ZNF454: variants seen among roughly 807,000 people sequenced by gnomAD.
ZNF454 encodes zinc finger protein 454.
Under a neutral mutation model 48.2 loss-of-function variants are expected in ZNF454, and 30 were observed. The observed-to-expected ratio is 0.62, with a 90% CI of 0.47 to 0.84. ZNF454 has a LOEUF of 0.84. ZNF454 is among the 40% of genes least tolerant of loss of function. The probability of loss-of-function intolerance (pLI) is 0.00; values close to 1 mark genes in which losing one functional copy is unlikely to be tolerated. For synonymous variants in ZNF454, 204 were observed against 211.4 expected (o/e 0.97, Z 0.30); for missense variants, 510 against 623.1 (o/e 0.82, Z 1.93).
In ZNF454 at chr5:178,944,788, G is replaced by A. The variant is rs1759245204; in HGVS notation, c.34-1571G>A. 6.6e-6 allele frequency among the ~76,000 whole-genome samples: 1 copy of A among 152,178 alleles called. No homozygotes were observed. Among genetic ancestry groups the A allele is most frequent in the Admixed American group, 6.5e-5 (1 of 15,276 alleles). ...ACCTCTTTTTTCTCAGTGAACACCAGCTCCCTTAACTTCTCAGCCAACTGG... is the reference window on the plus strand; with the variant it reads ...ACCTCTTTTTTCTCAGTGAACACCAACTCCCTTAACTTCTCAGCCAACTGG... On this transcript the variant is annotated intron_variant, in intron 2 of 4. Coordinates refer to ENST00000519564, the MANE Select transcript of ZNF454 (RefSeq NM_001178089.3). This position sits in a 1 kb window ranked among gnomAD's most constrained non-coding sequence, Gnocchi z 4.1.
the ZNF454 span, among the ~76,000 whole-genome samples, chr5:178,973,014 G>A: frequency 1.4e-5 from 2 of 147,854 alleles, no homozygotes; most frequent in African/African-American, 5.0e-5. Context: ...AAAAAACCCA[G>A]AGGCCTTTCT....
chr5:178,989,232 C>A, the ZNF454 span: 1 of 1,374,074 alleles, frequency 7.3e-7, no homozygotes, highest in Admixed American at 1.7e-5. Context: ...CCTCCCCACC[C>A]TCCCCACCCT....
chr5:178,988,341 GGTGA>G, the ZNF454 span, among the ~76,000 whole-genome samples: 13 of 152,334 alleles, frequency 8.5e-5, no homozygotes, highest in Admixed American at 6.5e-4. This position sits in a 1 kb window ranked among gnomAD's most constrained non-coding sequence, Gnocchi z 6.0. Flanking sequence ...GAGAGAAGGT[GGTGA>G]GTGAGTGTTC....
At chr5:178,974,586 G>A in the ZNF454 span, among the ~76,000 whole-genome samples, 5 of 152,134 alleles carry the variant, frequency 3.3e-5, no homozygotes, top group East Asian at 1.9e-4. Context: ...TGAAAGTACC[G>A]GGATTAGAGG....
the ZNF454 span, chr5:178,988,967 AG>A: frequency 6.2e-7 from 1 of 1,613,820 alleles, no homozygotes; most frequent in Non-Finnish European, 8.5e-7. This position sits in a 1 kb window ranked among gnomAD's most constrained non-coding sequence, Gnocchi z 6.0. Flanking sequence ...GTACTGCAGA[AG>A]CATCCGCCCA....
At chr5:178,986,583 G>T in the ZNF454 span, 1 of 1,606,582 alleles carries the variant, frequency 6.2e-7, no homozygotes. Context: ...CCCCAGGACA[G>T]GCCTCGCATG....
At position 178,964,658 on chromosome 5, in the gene ZNF454, G is replaced by A. The variant is rs1419949423; in HGVS notation, c.254G>A (p.Trp85Ter). The change falls in exon 5 of 5, where the codon TGG becomes TAG. Residue 85 changes from tryptophan to a stop codon, truncating the protein, a stop_gained. Coordinates refer to ENST00000519564, the MANE Select transcript of ZNF454 (RefSeq NM_001178089.3). LOFTEE classifies it high-confidence loss of function. The stretch of plus-strand genomic sequence containing the variant: ...TTTTATTTTTAATGTCTTTCAGACT[G>A]GATGACTATGCCTGCCAGTAAGAAA... ...EDTPGGFCLD[W>*]MTMPASKKST... is the part of the protein sequence containing the mutation. 6 of 1,611,386 alleles carry A rather than the reference G, an allele frequency of 3.7e-6. No individual in the cohort carries two copies. The highest frequency in any genetic ancestry group is 1.7e-6 in the Non-Finnish European group (2 of 1,177,692).
chr5:178,986,060 C>A, the ZNF454 span: 1 of 1,426,570 alleles, frequency 7.0e-7, no homozygotes, highest in Admixed American at 2.0e-5. Context: ...CTGTGCCTGG[C>A]CCTTTTGGCT....
At chr5:178,959,351 T>G (rs1321068997) in intron 4 of ZNF454, among the ~76,000 whole-genome samples, 1 of 152,230 alleles carries the variant, frequency 6.6e-6, no homozygotes, top group Non-Finnish European at 1.5e-5. Context: ...GTTTCTGGAC[T>G]CTATTCTCTT....
At chr5:178,987,108 G>A in the ZNF454 span, 1 of 959,402 alleles carries the variant, frequency 1.0e-6, no homozygotes, top group Non-Finnish European at 1.6e-6. Context: ...TAAGGGACGT[G>A]CAAATCCAAG....
At chr5:178,954,982 T>G (rs1404136864) in intron 4 of ZNF454, among the ~76,000 whole-genome samples, 1 of 152,260 alleles carries the variant, frequency 6.6e-6, no homozygotes, top group Non-Finnish European at 1.5e-5. Context: ...TTGCTTTCAG[T>G]TTTGGGCTAA....
Position 178,947,563 on chromosome 5 carries a change from G to A in ZNF454, c.250+577G>A, listed in dbSNP as rs77437993. ...TGCTGTGTTGCTCACACCTAGCGTA[G>A]TGCTTGGCACCTAGTAAGTGGCACA... is the stretch of plus-strand genomic sequence containing the variant. On this transcript the variant is annotated intron_variant, in intron 4 of 4. Coordinates refer to ENST00000519564, the MANE Select transcript of ZNF454 (RefSeq NM_001178089.3). Among the ~76,000 whole-genome samples, 1,155 of 152,312 alleles carry A rather than the reference G, an allele frequency of 7.6e-3. 11 individuals are homozygous for A. The highest frequency in any genetic ancestry group is 0.011 in the Non-Finnish European group (727 of 68,042).
chr5:178,975,606 A>T, the ZNF454 span: 3 of 335,896 alleles, frequency 8.9e-6, no homozygotes, highest in South Asian at 6.6e-5. Flanking sequence ...AAAACCCTCC[A>T]GTGTCTCCTC....
At chr5:178,950,631 CT>C (rs1377412217) in intron 4 of ZNF454, among the ~76,000 whole-genome samples, 1 of 152,144 alleles carries the variant, frequency 6.6e-6, no homozygotes, top group Non-Finnish European at 1.5e-5. Context: ...TTGCTAATAC[CT>C]TTTATAATTT....
At chr5:178,984,123 C>T in the ZNF454 span, among the ~76,000 whole-genome samples, 18 of 152,002 alleles carry the variant, frequency 1.2e-4, no homozygotes, top group Admixed American at 1.0e-3. Flanking sequence ...GTCAGGAGAT[C>T]GAGACCAACT....
rs574658905 is a variant in ZNF454, at chr5:178,952,208, T to G, written c.250+5222T>G. On this transcript the variant is annotated intron_variant, in intron 4 of 4. Coordinates refer to ENST00000519564, the MANE Select transcript of ZNF454 (RefSeq NM_001178089.3). The stretch of plus-strand genomic sequence containing the variant: ...GCCCGCCACTGCTCCCGGCTAATTT[T>G]TTGTATTTTTAGTAGAGACGGGGTT... Among the ~76,000 whole-genome samples the G allele has an allele frequency of 1.8e-3, 277 of 152,160 alleles. 1 individual carries two copies. The highest frequency in any genetic ancestry group is 3.5e-3 in the Non-Finnish European group (239 of 68,030).
At chr5:178,986,188 G>C in the ZNF454 span, 9 of 1,613,994 alleles carry the variant, frequency 5.6e-6, no homozygotes, top group East Asian at 6.7e-5. Flanking sequence ...GATGAAGGGA[G>C]GGGGTGTGAC....
At chr5:178,980,296 TA>T in the ZNF454 span, 1 of 154,384 alleles carries the variant, frequency 6.5e-6, no homozygotes, top group African/African-American at 2.4e-5. The surrounding 1 kb of genome is among the most constrained non-coding windows in gnomAD (Gnocchi z 4.3). Context: ...TAAAACTCCA[TA>T]ACTTAAACCA....
At chr5:178,986,986 GGAGA>G in the ZNF454 span, 5 of 1,613,238 alleles carry the variant, frequency 3.1e-6, no homozygotes, top group Non-Finnish European at 4.2e-6. Flanking sequence ...TGCGCTGCCT[GGAGA>G]GAGAGTCCGT....
Sources: gnomAD v4.1 joint callset for allele counts (sites outside exome capture counted in the v4.1 genomes callset) on GRCh38, gnomAD v4.1.1 for gene constraint, Gnocchi (gnomAD v3.1) non-coding constraint, MANE v1.5 for transcripts, NCBI Gene and HGNC (gene_info 2026-07-23, HGNC 2026-07-21) for gene names.